Variants in NUDT21 observed in about 807,000 individuals in gnomAD.
The protein encoded by NUDT21 is cleavage and polyadenylation specificity factor subunit 5.
NUDT21 carries 5 observed loss-of-function variants against 29.8 expected under a neutral mutation model. The observed-to-expected ratio is 0.17, with a 90% CI of 0.09 to 0.35. The LOEUF is 0.35. NUDT21 is among the 10% of genes least tolerant of loss of function. NUDT21 has a pLI of 1.00. For missense variants in NUDT21, 76 were observed against 276.0 expected (o/e 0.28, Z 5.13); for synonymous variants, 113 against 98.5 (o/e 1.15, Z -0.87).
At chr16:56,447,503 C>T (rs1962232912) in intron 2 of NUDT21, 1 of 370,480 alleles carries the variant, frequency 2.7e-6, no homozygotes, top group Non-Finnish European at 5.0e-6. Context: ...CTTGGTAATG[C>T]TACAATGACA....
chr16:56,435,446 G>A (rs1962086090), intron 4 of NUDT21, among the ~76,000 whole-genome samples: 1 of 151,434 alleles, frequency 6.6e-6, no homozygotes, highest in Non-Finnish European at 1.5e-5. Flanking sequence ...ATATATATAG[G>A]CTGGGCACAG....
chr16:56,440,136 C>T (rs1362663857), intron 3 of NUDT21, among the ~76,000 whole-genome samples: 11 of 152,234 alleles, frequency 7.2e-5, no homozygotes, highest in Non-Finnish European at 1.3e-4. Flanking sequence ...CTGTAACTTT[C>T]AACTCTTGGT....
chr16:56,444,607 A>C (rs533222593), intron 3 of NUDT21, among the ~76,000 whole-genome samples: 1 of 150,188 alleles, frequency 6.7e-6, no homozygotes, highest in South Asian at 2.2e-4. Flanking sequence ...CCTCAAAAAA[A>C]AAAAAACAAA....
intron 4 of NUDT21, among the ~76,000 whole-genome samples, chr16:56,436,991 A>AG (rs1276460224): frequency 1.3e-5 from 2 of 152,214 alleles, no homozygotes; most frequent in Non-Finnish European, 2.9e-5. Context: ...TTTTCCAATT[A>AG]GATCAAGGCA....
chr16:56,442,886 C>A (rs1198430609), intron 3 of NUDT21, among the ~76,000 whole-genome samples: 2 of 152,048 alleles, frequency 1.3e-5, no homozygotes, highest in Non-Finnish European at 2.9e-5. Context: ...TTCATTTCTT[C>A]CAACATTTTT....
At chr16:56,445,198 AGG>A (rs1962204940) in intron 3 of NUDT21, among the ~76,000 whole-genome samples, 1 of 152,192 alleles carries the variant, frequency 6.6e-6, no homozygotes, top group African/African-American at 2.4e-5. Context: ...AAAAAAAAAA[AGG>A]AAATGCTCAT....
At chr16:56,437,089 T>C (rs1596954483) in intron 4 of NUDT21, among the ~76,000 whole-genome samples, 1 of 152,358 alleles carries the variant, frequency 6.6e-6, no homozygotes, top group South Asian at 2.1e-4. Context: ...AAATTGTTCT[T>C]CCTTAAAGCC....
intron 6 of NUDT21, among the ~76,000 whole-genome samples, chr16:56,433,835 G>A (rs1354958048): frequency 2.6e-5 from 4 of 151,788 alleles, no homozygotes; most frequent in African/African-American, 9.7e-5. Context: ...TAAAAGCGCT[G>A]GCCACCACGC....
intron 2 of NUDT21, chr16:56,447,023 CA>C (rs1178878915): frequency 5.0e-6 from 1 of 198,842 alleles, no homozygotes; most frequent in Non-Finnish European, 1.0e-5. Context: ...AAACAGTGAA[CA>C]TAACATCCAA....
chr16:56,439,523 A>G (rs1276449592), intron 4 of NUDT21, 134 bp downstream of exon 4: 1 of 720,678 alleles, frequency 1.4e-6, no homozygotes, highest in Non-Finnish European at 2.5e-6. Context: ...GCTTGGCTTA[A>G]TTTTGTAATT....
intron 3 of NUDT21, among the ~76,000 whole-genome samples, chr16:56,445,018 T>C (rs1227150504): frequency 6.6e-6 from 1 of 152,174 alleles, no homozygotes; most frequent in Non-Finnish European, 1.5e-5. Context: ...ACCCTGTCTC[T>C]ACTAAAAATA....
Position 56,448,079 on chromosome 16 carries a change from A to G in NUDT21, c.117-90T>C, listed in dbSNP as rs905723809. The G allele has an allele frequency of 5.1e-5, 56 of 1,101,828 alleles. No individual in the cohort carries two copies. In the African/African-American group the frequency reaches 8.1e-4, roughly 16 times the overall value. 68.3% of individuals were successfully genotyped at this position (1,101,828 alleles called of 1,614,324 possible). On this transcript the variant is annotated intron_variant, in intron 1 of 6. Coordinates refer to ENST00000300291, the MANE Select transcript of NUDT21 (RefSeq NM_007006.3). Reference sequence around the variant, plus strand: ...AGCATAAAGAAACCATGGTACAAAAAAAGTGCATATATTGTACTCAGACAC... The same window carrying G: ...AGCATAAAGAAACCATGGTACAAAAGAAGTGCATATATTGTACTCAGACAC...
chr16:56,440,203 A>T lies in NUDT21; in HGVS notation c.382-457T>A, dbSNP rs542973482. On this transcript the variant is annotated intron_variant, in intron 3 of 6. Coordinates refer to ENST00000300291, the MANE Select transcript of NUDT21 (RefSeq NM_007006.3). ...AAAAGCATTCTTCTTGGTCTTAAATAAACGGTTTATTTTAGGATAGTTTTA... is the reference window on the plus strand; with the variant it reads ...AAAAGCATTCTTCTTGGTCTTAAATTAACGGTTTATTTTAGGATAGTTTTA... 5.0e-3 allele frequency among the ~76,000 whole-genome samples: 756 copies of T among 152,320 alleles called. 4 individuals carry two copies. Among genetic ancestry groups the T allele is most frequent in the African/African-American group, 0.017 (723 of 41,572 alleles).
chr16:56,442,958 C>A (rs941894609), intron 3 of NUDT21, among the ~76,000 whole-genome samples: 1 of 152,000 alleles, frequency 6.6e-6, no homozygotes, highest in Non-Finnish European at 1.5e-5. Context: ...TTCACAGGTG[C>A]AAAATCTCCT....
chr16:56,434,709 C>A, intron 5 of NUDT21, 45 bp downstream of exon 5: 1 of 1,254,648 alleles, frequency 8.0e-7, no homozygotes, highest in South Asian at 1.2e-5. Flanking sequence ...TGAAATTATT[C>A]TACAGAATTT....
chr16:56,439,116 C>A (rs76253807), intron 4 of NUDT21: 11 of 153,322 alleles, frequency 7.2e-5, no homozygotes, highest in African/African-American at 2.7e-4. Context: ...TAAAGGCAGA[C>A]GACGGGTAGC....
At chr16:56,440,800 G>A (rs1235042200) in intron 3 of NUDT21, among the ~76,000 whole-genome samples, 2 of 152,180 alleles carry the variant, frequency 1.3e-5, no homozygotes, top group Non-Finnish European at 2.9e-5. Context: ...GTGCAATGGC[G>A]CAATATCGGC....
intron 3 of NUDT21, among the ~76,000 whole-genome samples, chr16:56,441,381 T>G (rs1424942104): frequency 6.6e-6 from 1 of 152,008 alleles, no homozygotes; most frequent in Non-Finnish European, 1.5e-5. Context: ...GGACCACAGG[T>G]GCCCGCCACC....
intron 1 of NUDT21, among the ~76,000 whole-genome samples, chr16:56,448,225 G>A (rs8062501): frequency 0.013 from 1,971 of 152,294 alleles, 40 homozygotes; most frequent in African/African-American, 0.043. Context: ...ACTTTCAAGT[G>A]TAGATAACAC....
Sources: gnomAD v4.1 joint callset for allele counts (sites outside exome capture counted in the v4.1 genomes callset) on GRCh38, gnomAD v4.1.1 for gene constraint, MANE v1.5 for transcripts, NCBI Gene and HGNC (gene_info 2026-07-23, HGNC 2026-07-21) for gene names.